The following SPOCK3 variants were observed in gnomAD, a reference collection of about 807,000 sequenced individuals.
SPOCK3 encodes the protein testican-3.
SPOCK3 carries 30 observed loss-of-function variants against 56.6 expected under a neutral mutation model. The observed-to-expected ratio is 0.53, with a 90% CI of 0.40 to 0.72. SPOCK3 has a LOEUF of 0.72. SPOCK3 is among the 30% of genes least tolerant of loss of function. The pLI is 0.00. For missense variants in SPOCK3, 527 were observed against 530.0 expected (o/e 0.99, Z 0.06); for synonymous variants, 196 against 183.3 (o/e 1.07, Z -0.56).
intron 6 of SPOCK3, among the ~76,000 whole-genome samples, chr4:166,873,861 A>C (rs1210097577): frequency 2.0e-5 from 3 of 152,190 alleles, no homozygotes; most frequent in Non-Finnish European, 4.4e-5. Context: ...CTAAAGGAAA[A>C]AGAGGAAGGC....
At chr4:166,779,079 C>T (rs1299037419) in intron 7 of SPOCK3, among the ~76,000 whole-genome samples, 2 of 152,108 alleles carry the variant, frequency 1.3e-5, no homozygotes, top group African/African-American at 4.8e-5. Flanking sequence ...AAGACTAGAA[C>T]ACTGAATTGA....
chr4:167,159,569 C>T (rs1002277769), intron 2 of SPOCK3, among the ~76,000 whole-genome samples: 14 of 152,114 alleles, frequency 9.2e-5, no homozygotes, highest in African/African-American at 2.6e-4. Context: ...ATACCAAAGC[C>T]GGGCAGAGAC....
chr4:167,022,644 T>G (rs555356015), intron 3 of SPOCK3, among the ~76,000 whole-genome samples: 1 of 152,166 alleles, frequency 6.6e-6, no homozygotes, highest in African/African-American at 2.4e-5. Flanking sequence ...TCCATTGCAT[T>G]ATGAACCTCT....
At chr4:166,998,552 T>C (rs550784970) in intron 4 of SPOCK3, among the ~76,000 whole-genome samples, 3 of 152,250 alleles carry the variant, frequency 2.0e-5, no homozygotes, top group Admixed American at 1.3e-4. Context: ...CTTTGTAGTC[T>C]TGAGGCAGTT....
At chr4:166,972,564 A>AGAAGGC in intron 4 of SPOCK3, among the ~76,000 whole-genome samples, 1 of 151,080 alleles carries the variant, frequency 6.6e-6, no homozygotes, top group Admixed American at 6.6e-5. Context: ...TAAGATTATT[A>AGAAGGC]AAACACATTA....
At chr4:167,066,754 A>G (rs1228256735) in intron 2 of SPOCK3, among the ~76,000 whole-genome samples, 1 of 151,896 alleles carries the variant, frequency 6.6e-6, no homozygotes, top group East Asian at 1.9e-4. Context: ...TAAATAACAT[A>G]CAAATATATC....
intron 6 of SPOCK3, among the ~76,000 whole-genome samples, chr4:166,860,770 G>GGAA (rs1731141872): frequency 1.6e-5 from 1 of 63,138 alleles, no homozygotes; most frequent in Non-Finnish European, 2.9e-5. Context: ...TCAGAACACA[G>GGAA]GAAAACACAC....
chr4:167,073,095 A>G (rs760391376), intron 2 of SPOCK3, among the ~76,000 whole-genome samples: 1 of 151,698 alleles, frequency 6.6e-6, no homozygotes, highest in Admixed American at 6.6e-5. Flanking sequence ...ATACATTTGT[A>G]TCATATTAAT....
intron 6 of SPOCK3, among the ~76,000 whole-genome samples, chr4:166,842,440 T>C (rs1453646918): frequency 6.6e-6 from 1 of 151,984 alleles, no homozygotes; most frequent in Non-Finnish European, 1.5e-5. Flanking sequence ...TACTATCCTC[T>C]AGCTAGACAT....
chr4:166,963,717 C>A (rs569987885), intron 4 of SPOCK3, among the ~76,000 whole-genome samples: 3 of 151,818 alleles, frequency 2.0e-5, no homozygotes, highest in Non-Finnish European at 2.9e-5. Context: ...TTATGCAAAG[C>A]CTTTGGCTAA....
chr4:167,014,275 G>GT (rs1750380692), intron 3 of SPOCK3, among the ~76,000 whole-genome samples: 1 of 48,046 alleles, frequency 2.1e-5, no homozygotes, highest in African/African-American at 4.0e-5. Flanking sequence ...TTCTTGAGTG[G>GT]GTTTTTTTTT....
intron 2 of SPOCK3, among the ~76,000 whole-genome samples, chr4:167,226,478 A>G (rs2062382): frequency 0.27 from 40,533 of 152,050 alleles, 6,848 homozygotes; most frequent in African/African-American, 0.47. Context: ...GGACACGGGG[A>G]TGGAGACTGA....
chr4:166,837,231 A>G (rs1388799297), intron 6 of SPOCK3, among the ~76,000 whole-genome samples: 1 of 152,322 alleles, frequency 6.6e-6, no homozygotes, highest in African/African-American at 2.4e-5. Flanking sequence ...CTTTCTGAGT[A>G]GTGTGAAGTT....
intron 6 of SPOCK3, among the ~76,000 whole-genome samples, chr4:166,823,539 AAAC>A (rs1231160294): frequency 1.3e-5 from 2 of 152,218 alleles, no homozygotes; most frequent in Admixed American, 6.5e-5. Context: ...CTCTTTACCA[AAAC>A]AACAACAACA....
At chr4:166,745,386 C>T (rs1735465933) in intron 8 of SPOCK3, among the ~76,000 whole-genome samples, 1 of 152,110 alleles carries the variant, frequency 6.6e-6, no homozygotes, top group South Asian at 2.1e-4. Flanking sequence ...TCCAGCCAAA[C>T]TAAATTTCAT....
chr4:167,169,675 T>C (rs1730324323), intron 2 of SPOCK3, among the ~76,000 whole-genome samples: 1 of 152,160 alleles, frequency 6.6e-6, no homozygotes, highest in South Asian at 2.1e-4. Flanking sequence ...TAGGGGACTG[T>C]TGGAAGGCAG....
chr4:167,148,312 T>G (rs1253881531), intron 2 of SPOCK3, among the ~76,000 whole-genome samples: 1 of 152,112 alleles, frequency 6.6e-6, no homozygotes, highest in Non-Finnish European at 1.5e-5. Flanking sequence ...AAAGAATTAT[T>G]CAGCCAAATA....
chr4:166,739,262 A>G (rs571591007), intron 9 of SPOCK3, among the ~76,000 whole-genome samples: 2 of 151,946 alleles, frequency 1.3e-5, no homozygotes, highest in Non-Finnish European at 2.9e-5. Context: ...ATTTTTTGAG[A>G]CAGAGTCTCA....
chr4:166,967,332 T>C (rs949774922), intron 4 of SPOCK3, among the ~76,000 whole-genome samples: 6 of 152,310 alleles, frequency 3.9e-5, no homozygotes, highest in Admixed American at 2.0e-4. Context: ...CCCATTGTTA[T>C]AGTGGTTTTT....
Sources: gnomAD v4.1 joint callset for allele counts (sites outside exome capture counted in the v4.1 genomes callset) on GRCh38, gnomAD v4.1.1 for gene constraint, MANE v1.5 for transcripts, NCBI Gene and HGNC (gene_info 2026-07-23, HGNC 2026-07-21) for gene names.